The following ZMYND8 variants were observed in gnomAD, a reference collection of about 807,000 sequenced individuals.
ZMYND8 encodes zinc finger MYND-type containing 8, also known as MYND-type zinc finger-containing chromatin reader ZMYND8.
In ZMYND8, 37 loss-of-function variants were observed where a neutral mutation model predicts 140.8. That is an observed-to-expected ratio of 0.26 (90% CI 0.20 to 0.35). The LOEUF (loss-of-function observed/expected upper bound fraction) is 0.35, where lower values mean the gene tolerates loss of function less well. ZMYND8 is among the 10% of genes least tolerant of loss of function. The pLI is 1.00. For missense variants in ZMYND8, 1,068 were observed against 1,570.0 expected, an observed-to-expected ratio of 0.68 and a Z score of 5.40; for synonymous variants, 592 against 597.1, an observed-to-expected ratio of 0.99 and a Z score of 0.12.
At chr20:47,269,786 C>T (rs1308608111) in intron 11 of ZMYND8, among the ~76,000 whole-genome samples, 7 of 152,208 alleles carry the variant, frequency 4.6e-5, no homozygotes, top group Admixed American at 4.6e-4. Flanking sequence ...AGTTATAAAA[C>T]CTCAGAAACA....
At chr20:47,300,274 C>T (rs1472675541) in intron 3 of ZMYND8, among the ~76,000 whole-genome samples, 1 of 152,212 alleles carries the variant, frequency 6.6e-6, no homozygotes, top group Non-Finnish European at 1.5e-5. Flanking sequence ...AGTGACTCAA[C>T]CCACTTTGAG....
At chr20:47,261,113 C>T (rs1480198899) in intron 12 of ZMYND8, among the ~76,000 whole-genome samples, 1 of 151,968 alleles carries the variant, frequency 6.6e-6, no homozygotes. Flanking sequence ...CCCAGCTACT[C>T]GGAGGCTCAG....
At chr20:47,349,755 C>G (rs755668476) in intron 1 of ZMYND8, 4 of 1,448,078 alleles carry the variant, frequency 2.8e-6, no homozygotes, top group Non-Finnish European at 3.7e-6. Context: ...CTTCTTGAAA[C>G]CGATCCCATA....
intron 15 of ZMYND8, chr20:47,238,341 T>G: frequency 5.7e-6 from 1 of 174,218 alleles, no homozygotes; most frequent in Non-Finnish European, 1.2e-5. Flanking sequence ...TTTTATGGCA[T>G]CATATACATG....
chr20:47,265,910 T>C (rs2075484558), intron 11 of ZMYND8, among the ~76,000 whole-genome samples: 1 of 152,188 alleles, frequency 6.6e-6, no homozygotes, highest in South Asian at 2.1e-4. Context: ...CACTTGGATA[T>C]GGCAAGAATA....
intron 1 of ZMYND8, chr20:47,352,973 G>A (rs922928806): frequency 2.0e-5 from 3 of 152,324 alleles, no homozygotes; most frequent in East Asian, 1.9e-4. Context: ...GTGCAGTAGC[G>A]AAGGCCCCTT....
rs764492353 is a variant in ZMYND8, at chr20:47,239,071, G to A, written c.2352C>T (p.Thr784=). The A allele has an allele frequency of 1.3e-6, 2 of 1,545,972 alleles. No individual in the cohort carries two copies. Among genetic ancestry groups the A allele is most frequent in the East Asian group, 4.5e-5 (2 of 44,198 alleles). Reference sequence around the variant, plus strand: ...CCGCGGAAGTTTGGGCGGAAGAGCGGGTGAGCACCGGTGTTTCCGGGGGAG... The same window carrying A: ...CCGCGGAAGTTTGGGCGGAAGAGCGAGTGAGCACCGGTGTTTCCGGGGGAG... ...SHSPPETPVL[T]RSSAQTSAAG... Residue 784 remains threonine (T), a synonymous_variant, in exon 15 of 23, where the codon ACC becomes ACT. Transcript: ENST00000471951.
chr20:47,350,547 G>A (rs564137871), intron 1 of ZMYND8, among the ~76,000 whole-genome samples: 5 of 151,690 alleles, frequency 3.3e-5, no homozygotes, highest in African/African-American at 1.2e-4. Flanking sequence ...GTAGGCGCAA[G>A]AAAAGATCTG....
At chr20:47,254,136 T>C (rs1217809585) in intron 12 of ZMYND8, among the ~76,000 whole-genome samples, 2 of 152,266 alleles carry the variant, frequency 1.3e-5, no homozygotes, top group African/African-American at 2.4e-5. Context: ...ATATCGGGAA[T>C]ATCTTCAGAA....
intron 14 of ZMYND8, among the ~76,000 whole-genome samples, chr20:47,239,851 T>C (rs972149366): frequency 3.2e-4 from 49 of 152,372 alleles, no homozygotes; most frequent in African/African-American, 1.2e-3. Context: ...CCAGCTTTTA[T>C]GTATACTGTG....
At chr20:47,308,190 T>C (rs1345612294) in intron 3 of ZMYND8, among the ~76,000 whole-genome samples, 1 of 147,014 alleles carries the variant, frequency 6.8e-6, no homozygotes, top group Non-Finnish European at 1.5e-5. Flanking sequence ...GAACCACATG[T>C]GACCTGTGGC....
chr20:47,309,718 G>A (rs2078771537), intron 3 of ZMYND8, among the ~76,000 whole-genome samples: 1 of 151,816 alleles, frequency 6.6e-6, no homozygotes, highest in African/African-American at 2.4e-5. Flanking sequence ...GCATGGCCCA[G>A]GAGGGGAAAA....
At chr20:47,333,918 G>GA (rs904125943) in intron 2 of ZMYND8, among the ~76,000 whole-genome samples, 3 of 145,954 alleles carry the variant, frequency 2.1e-5, no homozygotes, top group African/African-American at 7.6e-5. Context: ...AAAAAAAAAA[G>GA]AAAAAAAAGG....
intron 10 of ZMYND8, among the ~76,000 whole-genome samples, chr20:47,279,757 CTTT>C (rs11476452): frequency 8.4e-5 from 12 of 143,222 alleles, no homozygotes; most frequent in Non-Finnish European, 1.1e-4. Flanking sequence ...TTGGTGTCCG[CTTT>C]TTTTTTTTTT....
chr20:47,326,266 A>G (rs1272884602), intron 2 of ZMYND8, among the ~76,000 whole-genome samples: 1 of 151,936 alleles, frequency 6.6e-6, no homozygotes, highest in African/African-American at 2.4e-5. Flanking sequence ...CCCACCAGCT[A>G]GTTTTTGTAT....
At chr20:47,272,059 G>C (rs899578129) in intron 11 of ZMYND8, among the ~76,000 whole-genome samples, 1 of 151,490 alleles carries the variant, frequency 6.6e-6, no homozygotes. Flanking sequence ...TAAAAAAAGG[G>C]GGGGGGGAGT....
chr20:47,244,924 G>C (rs891228096), intron 14 of ZMYND8, among the ~76,000 whole-genome samples: 1 of 152,096 alleles, frequency 6.6e-6, no homozygotes, highest in African/African-American at 2.4e-5. Flanking sequence ...AGGCGTGGTG[G>C]CAGGTGCCTG....
chr20:47,345,392 C>T (rs1444539677), intron 2 of ZMYND8, among the ~76,000 whole-genome samples: 1 of 151,690 alleles, frequency 6.6e-6, no homozygotes, highest in Admixed American at 6.6e-5. Context: ...ACAAAGGAAA[C>T]AAAGGTAAAC....
At chr20:47,219,076 G>C (rs1324232182) in intron 21 of ZMYND8, among the ~76,000 whole-genome samples, 7 of 30,182 alleles carry the variant, frequency 2.3e-4, no homozygotes, top group Non-Finnish European at 4.2e-4. Flanking sequence ...TTTTTTTTTT[G>C]AGAGAGAGTC....
Sources: allele counts gnomAD v4.1 joint callset (sites outside exome capture counted in the v4.1 genomes callset), GRCh38; gene constraint gnomAD v4.1.1; transcripts MANE v1.5; gene names NCBI Gene and HGNC (gene_info 2026-07-23, HGNC 2026-07-21).